The following TNFRSF9 variants were observed in gnomAD, a reference collection of about 807,000 sequenced individuals.
TNFRSF9 encodes the protein TNF receptor superfamily member 9.
TNFRSF9 carries 16 observed loss-of-function variants against 28.8 expected under a neutral mutation model. That is an observed-to-expected ratio of 0.55 (90% CI 0.38 to 0.84). The LOEUF (loss-of-function observed/expected upper bound fraction) is 0.84, where lower values mean the gene tolerates loss of function less well. TNFRSF9 is among the 40% of genes least tolerant of loss of function. TNFRSF9 has a pLI of 0.00. For missense variants in TNFRSF9, 303 were observed against 315.0 expected, an observed-to-expected ratio of 0.96 and a Z score of 0.29; for synonymous variants, 131 against 117.0, an observed-to-expected ratio of 1.12 and a Z score of -0.77.
chr1:7,938,259 A>C lies in TNFRSF9; in HGVS notation c.280T>G (p.Cys94Gly), dbSNP rs1639851859. 1 of 1,609,298 alleles carries C rather than the reference A, an allele frequency of 6.2e-7. No homozygotes were observed. The highest frequency in any genetic ancestry group is 8.5e-7 in the Non-Finnish European group (1 of 1,178,060). ...CACATGCTGCATCCTGCCCCCAGGC[A>C]GTGAAACCCTGGAGTGCAGTCACAC... ...AECDCTPGFH[C>G]LGAGCSMCEQ... Residue 94 changes from cysteine to glycine, a missense_variant, in exon 4 of 8, where the codon TGC (cysteine) becomes GGC (glycine). Physicochemically the swap from Cys to Gly is radical, Grantham distance 159. Transcript: ENST00000377507.
intron 7 of TNFRSF9, among the ~76,000 whole-genome samples, chr1:7,928,545 AG>A (rs1377293577): frequency 6.6e-6 from 1 of 152,228 alleles, no homozygotes; most frequent in African/African-American, 2.4e-5. Flanking sequence ...TCTTAAAAAA[AG>A]TTCACGTTTG....
At chr1:7,928,740 A>G (rs1275697668) in intron 7 of TNFRSF9, among the ~76,000 whole-genome samples, 1 of 152,088 alleles carries the variant, frequency 6.6e-6, no homozygotes, top group East Asian at 1.9e-4. Context: ...ATAGCCGGGC[A>G]TGGTGGCAGC....
chr1:7,931,860 C>T lies in TNFRSF9; in HGVS notation c.679+1302G>A, dbSNP rs570543977. On this transcript the variant is annotated intron_variant, in intron 7 of 7. Coordinates refer to ENST00000377507, the MANE Select transcript of TNFRSF9 (RefSeq NM_001561.6). ...GCATAATTTATTAGATAAGACTTTA[C>T]TGGCTGAGCGCAGTGGCTCACGCCT... Among the ~76,000 whole-genome samples, 7 of 152,352 alleles carry T rather than the reference C, an allele frequency of 4.6e-5. No individual in the cohort carries two copies. The East Asian group carries it at 1.2e-3, about 25-fold the overall frequency.
intron 5 of TNFRSF9, among the ~76,000 whole-genome samples, chr1:7,936,054 A>G (rs1298858449): frequency 1.3e-5 from 2 of 152,152 alleles, no homozygotes; most frequent in Admixed American, 1.3e-4. Flanking sequence ...AGCCCAGTTC[A>G]AACCCATTTT....
rs1313995787 is a variant in TNFRSF9 at position 7,920,247 on chromosome 1, T to C, written c.*588A>G. 6.6e-6 allele frequency: 1 copy of C among 152,308 alleles called. No homozygotes were observed. The highest frequency in any genetic ancestry group is 2.4e-5 in the African/African-American group (1 of 41,438). The allele number at this position is 152,308 out of a possible 1,614,324, so 9.4% of individuals were successfully genotyped here. A position where few individuals can be genotyped will look rare whatever the true frequency, so the allele number is the denominator to read the frequency against. ...CTATGTAATTGAATTTAAACTATAATTTTCTTTGGATTTCAAAAAAACTAG... is the reference window on the plus strand; with the variant it reads ...CTATGTAATTGAATTTAAACTATAACTTTCTTTGGATTTCAAAAAAACTAG... On this transcript the variant is annotated 3_prime_UTR_variant, in exon 8 of 8. Coordinates refer to ENST00000377507, the MANE Select transcript of TNFRSF9 (RefSeq NM_001561.6).
chr1:7,934,030 AT>A (rs1332542637), intron 6 of TNFRSF9, among the ~76,000 whole-genome samples: 1 of 151,924 alleles, frequency 6.6e-6, no homozygotes, highest in Non-Finnish European at 1.5e-5. Context: ...CCCCAAAAAA[AT>A]AAAAGAAACT....
At chr1:7,930,538 G>A (rs1335786303) in intron 7 of TNFRSF9, among the ~76,000 whole-genome samples, 3 of 152,082 alleles carry the variant, frequency 2.0e-5, no homozygotes, top group South Asian at 2.1e-4. Context: ...TGGGAGGATC[G>A]CTTGAGCCCA....
chr1:7,934,801 G>A lies in TNFRSF9; in HGVS notation c.544+212C>T, dbSNP rs550446605. 4.9e-4 allele frequency among the ~76,000 whole-genome samples: 75 copies of A among 152,354 alleles called. 1 individual carries two copies. The highest frequency in any genetic ancestry group is 1.8e-3 in the African/African-American group (75 of 41,580). ...TGATAAAGATATAGACTCTGTTTGG[G>A]TGAAGTGTCCTCTGGCACCGCTTAC... On this transcript the variant is annotated intron_variant, in intron 6 of 7. Transcript: ENST00000377507.
rs1491203940 is a variant in TNFRSF9 at position 7,929,157 on chromosome 1, C to CTTTT, written c.679+4004_679+4005insAAAA. Among the ~76,000 whole-genome samples the CTTTT allele has an allele frequency of 3.5e-3, 227 of 65,440 alleles. 16 individuals carry two copies. The highest frequency in any genetic ancestry group is 4.0e-3 in the Non-Finnish European group (103 of 25,476). 42.9% of individuals were successfully genotyped at this position (65,440 alleles called of 152,430 possible). On this transcript the variant is annotated intron_variant, in intron 7 of 7. Coordinates refer to ENST00000377507, the MANE Select transcript of TNFRSF9 (RefSeq NM_001561.6). ...CTCAGTTTTTCTTTTTTTTCTTTTT[C>CTTTT]CTTTTTTTTTTTTTTTTTTTTTGAG...
In TNFRSF9 at chr1:7,935,017, C is replaced by T. The variant is rs991047731; in HGVS notation, c.540G>A (p.Glu180=). 9 of 1,614,058 alleles carry T rather than the reference C, an allele frequency of 5.6e-6. No individual in the cohort carries two copies. The highest frequency in any genetic ancestry group is 7.6e-6 in the Non-Finnish European group (9 of 1,179,962). Residue 180 remains glutamate, a synonymous_variant, in exon 6 of 8, where the codon GAG becomes GAA. Coordinates refer to ENST00000377507, the MANE Select transcript of TNFRSF9 (RefSeq NM_001561.6). ...GTAAAGGCATAGCCCAGTTACCTGGCTCTCTCGCAGGGGCAGGCGGGGTCA... is the reference window on the plus strand; with the variant it reads ...GTAAAGGCATAGCCCAGTTACCTGGTTCTCTCGCAGGGGCAGGCGGGGTCA... ...SSVTPPAPAR[E]PGHSPQIISF... is the part of the protein sequence containing the mutation.
Position 7,935,275 on chromosome 1 carries a change from T to A in TNFRSF9, c.414-132A>T, listed in dbSNP as rs148631355. On this transcript the variant is annotated intron_variant, in intron 5 of 7. Transcript: ENST00000377507. The stretch of plus-strand genomic sequence containing the variant: ...TATATGGGTCTGGGTTCGAAAGCGA[T>A]GCAAAGATATTTTGAAAAACTTCCA... 5.8e-5 allele frequency: 58 copies of A among 1,000,088 alleles called. No homozygotes were observed. In the East Asian group the frequency reaches 1.6e-3, roughly 27 times the overall value. 62.0% of individuals were successfully genotyped at this position (1,000,088 alleles called of 1,614,324 possible). A position where few individuals can be genotyped will look rare whatever the true frequency, so the allele number is the denominator to read the frequency against.
At chr1:7,935,393 C>A (rs1457682379) in intron 5 of TNFRSF9, among the ~76,000 whole-genome samples, 1 of 152,170 alleles carries the variant, frequency 6.6e-6, no homozygotes, top group Non-Finnish European at 1.5e-5. Context: ...TCTCTCACCC[C>A]CAGTTTCTTA....
chr1:7,938,670 C>T (rs1472990724), intron 3 of TNFRSF9, 51 bp downstream of exon 3: 3 of 1,438,220 alleles, frequency 2.1e-6, no homozygotes, highest in East Asian at 4.6e-5. Context: ...GAAAGAAAAG[C>T]TTATCTTCCC....
rs754208616 is a variant in TNFRSF9, at chr1:7,940,041, G to T, written c.-47C>A. The T allele has an allele frequency of 3.4e-5, 47 of 1,375,532 alleles. No homozygotes were observed. Among genetic ancestry groups the T allele is most frequent in the Non-Finnish European group, 4.5e-5 (44 of 976,590 alleles). 85.2% of individuals were successfully genotyped at this position (1,375,532 alleles called of 1,614,324 possible). ...GATACTAGCAAAGCTGATTCCAAGA[G>T]AATTTTAATCAAATTAGCTGGTCTC... On this transcript the variant is annotated 5_prime_UTR_variant, in exon 2 of 8. Coordinates refer to ENST00000377507, the MANE Select transcript of TNFRSF9 (RefSeq NM_001561.6).
In TNFRSF9 at chr1:7,938,267, C is replaced by T; in HGVS notation, c.272G>A (p.Gly91Glu). The stretch of plus-strand genomic sequence containing the variant: ...GCATCCTGCCCCCAGGCAGTGAAAC[C>T]CTGGAGTGCAGTCACACTCTGCATT... ...TSNAECDCTPGFHCLGAGCSM... is the reference protein window; with the variant it reads ...TSNAECDCTPEFHCLGAGCSM... The change falls in exon 4 of 8, where the codon GGG (glycine) becomes GAG (glutamate). Residue 91 changes from glycine (G) to glutamate (E), a missense_variant. Coordinates refer to ENST00000377507, the MANE Select transcript of TNFRSF9 (RefSeq NM_001561.6). 6.2e-7 allele frequency: 1 copy of T among 1,609,064 alleles called. No homozygotes were observed. The highest frequency in any genetic ancestry group is 8.5e-7 in the Non-Finnish European group (1 of 1,177,910).
chr1:7,927,427 G>A (rs1639670474), intron 7 of TNFRSF9, among the ~76,000 whole-genome samples: 1 of 152,126 alleles, frequency 6.6e-6, no homozygotes, highest in Non-Finnish European at 1.5e-5. Context: ...GTCCACTAGA[G>A]GCAAGGTGCC....
At chr1:7,936,105 GA>G (rs1422082889) in intron 5 of TNFRSF9, among the ~76,000 whole-genome samples, 1 of 152,036 alleles carries the variant, frequency 6.6e-6, no homozygotes, top group Non-Finnish European at 1.5e-5. Flanking sequence ...AATTTGTATT[GA>G]AAGACCTTTT....
At chr1:7,932,055 T>C (rs1639739252) in intron 7 of TNFRSF9, among the ~76,000 whole-genome samples, 1 of 152,178 alleles carries the variant, frequency 6.6e-6, no homozygotes, top group South Asian at 2.1e-4. Flanking sequence ...GAGAATCGCT[T>C]GAACCCGGAA....
intron 5 of TNFRSF9, among the ~76,000 whole-genome samples, chr1:7,936,814 T>A (rs1639822770): frequency 6.6e-6 from 1 of 152,190 alleles, no homozygotes; most frequent in African/African-American, 2.4e-5. Context: ...ACTCTGCCAA[T>A]TTGCCTTAAA....
Sources: gnomAD v4.1 joint callset for allele counts (sites outside exome capture counted in the v4.1 genomes callset) on GRCh38, gnomAD v4.1.1 for gene constraint, MANE v1.5 for transcripts, NCBI Gene and HGNC (gene_info 2026-07-23, HGNC 2026-07-21) for gene names.